Variants in TM6SF2 observed in about 807,000 individuals in gnomAD.
TM6SF2 encodes the protein transmembrane 6 superfamily member 2.
Under a neutral mutation model 41.0 loss-of-function variants are expected in TM6SF2, and 29 were observed. That is an observed-to-expected ratio of 0.71 (90% CI 0.53 to 0.96). TM6SF2 has a LOEUF of 0.96. Among genes scored for constraint, TM6SF2 ranks in the 50% least tolerant of loss-of-function variants. TM6SF2 has a pLI of 0.00. For missense variants in TM6SF2, 475 were observed against 499.0 expected (o/e 0.95, Z 0.46); for synonymous variants, 200 against 209.1 (o/e 0.96, Z 0.37).
intron 6 of TM6SF2, 85 bp from the exon 7 acceptor site, chr19:19,268,172 C>A: frequency 2.2e-6 from 2 of 889,176 alleles, no homozygotes; most frequent in Non-Finnish European, 3.4e-6. Flanking sequence ...TCCTAAGGCT[C>A]CTCCCTTCTT....
chr19:19,273,072 G>T, intron 1 of TM6SF2, 49 bp downstream of exon 1: 1 of 182,712 alleles, frequency 5.5e-6, no homozygotes, highest in Non-Finnish European at 9.3e-6. Flanking sequence ...CCCCGCCCCC[G>T]CCCGCCCCCA....
At chr19:19,268,201 CTTTTTTCTTT>C in intron 6 of TM6SF2, 114 bp from the exon 7 acceptor site, 2 of 670,420 alleles carry the variant, frequency 3.0e-6, no homozygotes, top group South Asian at 4.7e-5. Context: ...TCTTTTTTTT[CTTTTTTCTTT>C]TTTTTTTTTT....
chr19:19,269,027 A>T (rs2061013529), intron 5 of TM6SF2, among the ~76,000 whole-genome samples: 1 of 152,090 alleles, frequency 6.6e-6, no homozygotes, highest in Non-Finnish European at 1.5e-5. Context: ...TCCACGGCTC[A>T]AGTGATTGAT....
chr19:19,270,578 G>C, intron 2 of TM6SF2, 136 bp from the exon 3 acceptor site: 1 of 1,066,822 alleles, frequency 9.4e-7, no homozygotes, highest in African/African-American at 1.6e-5. Context: ...CCCAGTCCCT[G>C]CCCCAACCCC....
chr19:19,266,855 G>A, intron 8 of TM6SF2: 1 of 428,994 alleles, frequency 2.3e-6, no homozygotes, highest in Non-Finnish European at 4.3e-6. Context: ...GCCAGTCGGA[G>A]CATTCCAGCC....
chr19:19,269,760 G>A lies in TM6SF2; in HGVS notation c.411C>T (p.Tyr137=), dbSNP rs750848305. Residue 137 remains tyrosine (Y), a synonymous_variant, in exon 5 of 10, where the codon TAC becomes TAT. Coordinates refer to ENST00000389363, the MANE Select transcript of TM6SF2 (RefSeq NM_001001524.3). The stretch of plus-strand genomic sequence containing the variant: ...CCAGCCAGTAGAGTCCAAAATTCCG[G>A]TATCTCTTCCTGAGCAGGGGATGGA... ...MAGAICRRKR[Y]RNFGLYWLGS... 3.1e-6 allele frequency: 5 copies of A among 1,614,106 alleles called. No individual in the cohort carries two copies. Among genetic ancestry groups the A allele is most frequent in the Non-Finnish European group, 2.5e-6 (3 of 1,179,998 alleles).
At chr19:19,268,147 G>GAACCTTTATTGAGTACC in intron 6 of TM6SF2, 60 bp from the exon 7 acceptor site, 8 of 1,197,258 alleles carry the variant, frequency 6.7e-6, no homozygotes, top group Non-Finnish European at 9.6e-6. Flanking sequence ...TATTCAGTAG[G>GAACCTTTATTGAGTACC]TACTCAATAA....
At chr19:19,271,823 G>A (rs931694744) in intron 1 of TM6SF2, among the ~76,000 whole-genome samples, 4 of 152,116 alleles carry the variant, frequency 2.6e-5, no homozygotes, top group Admixed American at 6.5e-5. Flanking sequence ...GAGCCACCAC[G>A]CCTGGCCTGC....
intron 1 of TM6SF2, 60 bp downstream of exon 1, chr19:19,273,061 T>TGGCCCCCCCCCCCCCCC: frequency 3.3e-6 from 1 of 305,470 alleles, no homozygotes; most frequent in Non-Finnish European, 6.1e-6. Context: ...CCTCCAGTCC[T>TGGCCCCCCCCCCCCCCC]CCCCGCCCCC....
chr19:19,267,589 G>T (rs2061007569), intron 8 of TM6SF2, 32 bp downstream of exon 8: 4 of 1,559,482 alleles, frequency 2.6e-6, no homozygotes, highest in East Asian at 4.6e-5. Context: ...ACCCATGGCA[G>T]GGGTGTGGTC....
At chr19:19,265,039 T>C (rs868234954) in intron 9 of TM6SF2, among the ~76,000 whole-genome samples, 166 bp from the exon 10 acceptor site, 1 of 118,132 alleles carries the variant, frequency 8.5e-6, no homozygotes, top group Non-Finnish European at 1.7e-5. Flanking sequence ...CATCTATCTG[T>C]TTTTTTTTTT....
intron 8 of TM6SF2, among the ~76,000 whole-genome samples, chr19:19,267,293 A>G (rs556872459): frequency 2.0e-5 from 3 of 151,034 alleles, no homozygotes; most frequent in African/African-American, 7.3e-5. Context: ...ACTTGAGCCC[A>G]GGAGGTGGAG....
intron 1 of TM6SF2, 60 bp downstream of exon 1, chr19:19,273,061 T>TGGGCC: frequency 3.9e-5 from 12 of 305,446 alleles, no homozygotes; most frequent in Non-Finnish European, 6.7e-5. Context: ...CCTCCAGTCC[T>TGGGCC]CCCCGCCCCC....
At chr19:19,265,415 CATCT>C (rs146850861) in intron 9 of TM6SF2, among the ~76,000 whole-genome samples, 3,115 of 96,928 alleles carry the variant, frequency 0.032, 100 homozygotes, top group African/African-American at 0.098. Context: ...TCCATCCATC[CATCT>C]ATCTATCTAT....
chr19:19,270,083 C>T (rs752827568), intron 4 of TM6SF2, 90 bp downstream of exon 4: 3 of 1,573,500 alleles, frequency 1.9e-6, no homozygotes, highest in Non-Finnish European at 2.6e-6. Context: ...CTCCTACAGA[C>T]ACTTCTGGCT....
At chr19:19,266,394 CAT>C in intron 9 of TM6SF2, 94 bp downstream of exon 9, 1 of 1,535,178 alleles carries the variant, frequency 6.5e-7, no homozygotes, top group Non-Finnish European at 8.8e-7. Flanking sequence ...CTTGGGGGCT[CAT>C]CATTACAGTG....
At chr19:19,269,820 GA>G (rs1415123666) in intron 4 of TM6SF2, 51 bp from the exon 5 acceptor site, 1 of 1,612,712 alleles carries the variant, frequency 6.2e-7, no homozygotes, top group Admixed American at 1.7e-5. Flanking sequence ...CGTAATCTCA[GA>G]GCCCCAGCCA....
At chr19:19,270,519 G>A (rs2061019975) in intron 2 of TM6SF2, 77 bp from the exon 3 acceptor site, 3 of 1,508,390 alleles carry the variant, frequency 2.0e-6, no homozygotes, top group African/African-American at 2.8e-5. Flanking sequence ...TGTGGGCGGG[G>A]CTTGAAGTTA....
rs199996201 is a variant in TM6SF2 at position 19,271,049 on chromosome 19, C to T, written c.172G>A (p.Glu58Lys). 58 of 1,614,018 alleles carry T rather than the reference C, an allele frequency of 3.6e-5. No homozygotes were observed. The South Asian group carries it at 4.6e-4, about 13-fold the overall frequency. The change falls in exon 2 of 10, where the codon GAG becomes AAG. Residue 58 changes from glutamate (E) to lysine (K), a missense_variant. Transcript: ENST00000389363. Reference sequence around the variant, plus strand: ...GCATAGAGTGGGTCATAGGAGACCTCGCCATGGGACAAGCTGTAGACCGCC... The same window carrying T: ...GCATAGAGTGGGTCATAGGAGACCTTGCCATGGGACAAGCTGTAGACCGCC... ...FVAVYSLSHG[E>K]VSYDPLYAVF...
Sources: gnomAD v4.1 joint callset for allele counts (sites outside exome capture counted in the v4.1 genomes callset) on GRCh38, gnomAD v4.1.1 for gene constraint, MANE v1.5 for transcripts, NCBI Gene and HGNC (gene_info 2026-07-23, HGNC 2026-07-21) for gene names.